PCDHGB3: variants seen among roughly 807,000 people sequenced by gnomAD.
The protein encoded by PCDHGB3 is protocadherin gamma subfamily B, 3.
A neutral mutation model predicts 59.2 loss-of-function variants in PCDHGB3; 40 were observed. The ratio of observed to expected loss-of-function variants is 0.68; its 90% CI spans 0.52 to 0.88. PCDHGB3 has a LOEUF of 0.88. PCDHGB3 is among the 40% of genes least tolerant of loss of function. The pLI is 0.00. For missense variants in PCDHGB3, 1,309 were observed against 1,187.9 expected (o/e 1.10, Z -1.50); for synonymous variants, 581 against 503.6 (o/e 1.15, Z -2.06).
Position 141,376,131 on chromosome 5 carries a change from A to T in PCDHGB3, c.2415+3322A>T, listed in dbSNP as rs200974904. ...CTGGGCAGCCTCGAGCCCTCCGCCA[A>T]ACCCAACGATTCGGACCTCACTCTG... On this transcript the variant is annotated intron_variant, in intron 1 of 3. Transcript: ENST00000576222. 6.9e-4 allele frequency: 1,114 copies of T among 1,613,772 alleles called. 8 individuals carry two copies. Among genetic ancestry groups the T allele is most frequent in the South Asian group, 4.3e-3 (393 of 91,038 alleles).
chr5:141,395,107 A>G (rs2093174446), intron 1 of PCDHGB3: 1 of 1,614,212 alleles, frequency 6.2e-7, no homozygotes, highest in African/African-American at 1.3e-5. Context: ...GACTCGCGGA[A>G]GAGTCACCTG....
chr5:141,420,975 G>A, intron 1 of PCDHGB3: 2 of 458,946 alleles, frequency 4.4e-6, no homozygotes, highest in South Asian at 4.2e-5. Context: ...TAATAAGAAT[G>A]GGCTCTAGGC....
intron 1 of PCDHGB3, among the ~76,000 whole-genome samples, chr5:141,460,682 T>A (rs957470916): frequency 3.3e-5 from 5 of 152,134 alleles, no homozygotes; most frequent in African/African-American, 1.2e-4. Flanking sequence ...TATATCTATA[T>A]ATCCACCAAC....
At chr5:141,376,274 G>A (rs773118142) in intron 1 of PCDHGB3, 3 of 1,614,220 alleles carry the variant, frequency 1.9e-6, no homozygotes, top group Non-Finnish European at 1.7e-6. Flanking sequence ...TTCGGGAGGT[G>A]GCTTAGCGAG....
chr5:141,496,783 C>T (rs572860852), intron 2 of PCDHGB3, among the ~76,000 whole-genome samples: 1 of 152,162 alleles, frequency 6.6e-6, no homozygotes, highest in East Asian at 1.9e-4. Context: ...GAGCAGGGCC[C>T]TGTGCTAAAC....
At chr5:141,389,439 G>C (rs201120335) in intron 1 of PCDHGB3, 1 of 1,610,580 alleles carries the variant, frequency 6.2e-7, no homozygotes, top group Non-Finnish European at 8.5e-7. Flanking sequence ...GCGCGCCTTC[G>C]ACCACGAGCA....
At chr5:141,382,115 A>G (rs1777964060) in intron 1 of PCDHGB3, among the ~76,000 whole-genome samples, 2 of 152,100 alleles carry the variant, frequency 1.3e-5, no homozygotes, top group African/African-American at 4.8e-5. Flanking sequence ...GGCGTGAGCA[A>G]CAGCACCTGG....
At chr5:141,384,447 G>T in intron 1 of PCDHGB3, 1 of 1,614,008 alleles carries the variant, frequency 6.2e-7, no homozygotes, top group African/African-American at 1.3e-5. Flanking sequence ...TCCTGTACGC[G>T]CTGCAATCCT....
chr5:141,491,284 A>C lies in PCDHGB3; in HGVS notation c.2416-3523A>C. ...AATGCCCAAATCCAGTGACTTCCTC[A>C]TACACCCTCCTGAGCGTTCAGACCT... On this transcript the variant is annotated intron_variant, in intron 1 of 3. Transcript: ENST00000576222. The surrounding 1 kb of genome is among the most constrained non-coding windows in gnomAD (Gnocchi z 6.9). 1.2e-6 allele frequency: 2 copies of C among 1,614,128 alleles called. No homozygotes were observed. The highest frequency in any genetic ancestry group is 1.7e-6 in the Non-Finnish European group (2 of 1,179,978).
At position 141,503,509 on chromosome 5, in the gene PCDHGB3, G is replaced by A. The variant is rs373282648; in HGVS notation, c.2475-1884G>A. ...AGCTGCTCAAGAGGCTGAGGCAGGA[G>A]AATCACTTGAACCTGGGAGGCAGAG... On this transcript the variant is annotated intron_variant, in intron 2 of 3. Transcript: ENST00000576222. Among the ~76,000 whole-genome samples the A allele has an allele frequency of 9.4e-5, 14 of 149,410 alleles. No individual in the cohort carries two copies. The South Asian group carries it at 1.5e-3, about 16-fold the overall frequency.
Position 141,486,747 on chromosome 5 carries a change from A to G in PCDHGB3, c.2416-8060A>G, listed in dbSNP as rs750666508. The G allele has an allele frequency of 3.1e-6, 5 of 1,614,210 alleles. No homozygotes were observed. The highest frequency in any genetic ancestry group is 4.2e-6 in the Non-Finnish European group (5 of 1,180,034). On this transcript the variant is annotated intron_variant, in intron 1 of 3. Transcript: ENST00000576222. This position sits in a 1 kb window ranked among gnomAD's most constrained non-coding sequence, Gnocchi z 5.0. Reference sequence around the variant, plus strand: ...GTTCATGCTACTCGATCCTTTGACTATGAGCAAACCCAGACACTGCAGTTT... The same window carrying G: ...GTTCATGCTACTCGATCCTTTGACTGTGAGCAAACCCAGACACTGCAGTTT...
At chr5:141,495,065 T>C (rs1413025171) in intron 2 of PCDHGB3, among the ~76,000 whole-genome samples, 200 bp downstream of exon 2, 1 of 152,148 alleles carries the variant, frequency 6.6e-6, no homozygotes, top group Admixed American at 6.5e-5. Flanking sequence ...TTCAGGAAGC[T>C]CAATTCACAT....
chr5:141,434,894 C>T (rs1316284716), intron 1 of PCDHGB3, among the ~76,000 whole-genome samples: 1 of 143,118 alleles, frequency 7.0e-6, no homozygotes, highest in East Asian at 2.1e-4. Flanking sequence ...AATCCAGTCC[C>T]CTTCCCTCAT....
chr5:141,500,043 T>A (rs1240979831), intron 2 of PCDHGB3, among the ~76,000 whole-genome samples: 1 of 152,048 alleles, frequency 6.6e-6, no homozygotes, highest in East Asian at 1.9e-4. Flanking sequence ...CTCTTAAGTA[T>A]CTTAATGCTC....
At chr5:141,461,794 C>T (rs191966750) in intron 1 of PCDHGB3, among the ~76,000 whole-genome samples, 7 of 152,134 alleles carry the variant, frequency 4.6e-5, no homozygotes, top group African/African-American at 1.7e-4. Flanking sequence ...GCTGGGATTA[C>T]AGGTGCCCAC....
rs764870915 is a variant in PCDHGB3 at position 141,372,330 on chromosome 5, G to C, written c.1936G>C (p.Val646Leu). The change falls in exon 1 of 4, where the codon GTG becomes CTG. Residue 646 changes from valine (V) to leucine (L), a missense_variant. By Grantham distance (32) the Val-to-Leu change is conservative. Coordinates refer to ENST00000576222, the MANE Select transcript of PCDHGB3 (RefSeq NM_018924.5). ...CGCCCGCCAGCGCCTGCTGGTCACTGTGCGTGATGGAGGACAGCAGCCTCT... is the reference window on the plus strand; with the variant it reads ...CGCCCGCCAGCGCCTGCTGGTCACTCTGCGTGATGGAGGACAGCAGCCTCT... Reference protein sequence around the residue: ...EAARQRLLVTVRDGGQQPLSA... With the variant: ...EAARQRLLVTLRDGGQQPLSA... 31 of 1,613,614 alleles carry C rather than the reference G, an allele frequency of 1.9e-5. No homozygotes were observed. Among genetic ancestry groups the C allele is most frequent in the Non-Finnish European group, 2.5e-5 (30 of 1,179,910 alleles).
intron 1 of PCDHGB3, chr5:141,422,218 A>T: frequency 1.3e-6 from 2 of 1,564,130 alleles, no homozygotes; most frequent in Non-Finnish European, 8.6e-7. Flanking sequence ...TCTCTTTACC[A>T]CCACGACGAT....
intron 1 of PCDHGB3, among the ~76,000 whole-genome samples, chr5:141,437,431 A>G (rs1282194918): frequency 6.6e-6 from 1 of 152,234 alleles, no homozygotes; most frequent in African/African-American, 2.4e-5. Flanking sequence ...TGAAGCAGCA[A>G]TAGCATAGGA....
Position 141,417,943 on chromosome 5 carries a change from G to C in PCDHGB3, c.2415+45134G>C, listed in dbSNP as rs772925118. ...TGCTGCTGCCTTTGTTCTACCCCAC[G>C]CTGTGTGAGCCGATCCGCTACTCGA... is the stretch of plus-strand genomic sequence containing the variant. On this transcript the variant is annotated intron_variant, in intron 1 of 3. Coordinates refer to ENST00000576222, the MANE Select transcript of PCDHGB3 (RefSeq NM_018924.5). The C allele has an allele frequency of 4.1e-5, 66 of 1,613,160 alleles. 1 individual carries two copies. The highest frequency in any genetic ancestry group is 1.8e-4 in the East Asian group (8 of 44,850).
Sources: allele counts gnomAD v4.1 joint callset (sites outside exome capture counted in the v4.1 genomes callset), GRCh38; gene constraint gnomAD v4.1.1; non-coding constraint Gnocchi (gnomAD v3.1); transcripts MANE v1.5; gene names NCBI Gene and HGNC (gene_info 2026-07-23, HGNC 2026-07-21).